Variants in RAF1 observed in about 807,000 individuals in gnomAD.
The protein encoded by RAF1 is Raf-1 proto-oncogene, serine/threonine kinase, also known as RAF proto-oncogene serine/threonine-protein kinase.
A neutral mutation model predicts 81.1 loss-of-function variants in RAF1; 27 were observed. The ratio of observed to expected loss-of-function variants is 0.33; its 90% CI spans 0.25 to 0.46. RAF1 has a LOEUF of 0.46. Ranked by LOEUF, RAF1 falls within the 20% of genes least tolerant of loss-of-function variation. The pLI is 1.00. For missense variants in RAF1, 598 were observed against 826.0 expected (o/e 0.72, Z 3.38); for synonymous variants, 298 against 294.0 (o/e 1.01, Z -0.14).
intron 8 of RAF1, 97 bp from the exon 8 acceptor site, chr3:12,600,512 A>G: frequency 1.5e-6 from 2 of 1,362,618 alleles, no homozygotes; most frequent in Non-Finnish European, 1.0e-6. Flanking sequence ...AACAAAATAG[A>G]TTATAAAAAC....
intron 14 of RAF1, among the ~76,000 whole-genome samples, chr3:12,586,632 C>T (rs1326952442): frequency 1.3e-5 from 2 of 152,162 alleles, no homozygotes; most frequent in Non-Finnish European, 2.9e-5. Flanking sequence ...TCTCACTGCT[C>T]AAGAGGCAAA....
chr3:12,662,843 A>C (rs1355612684), intron 1 of RAF1, among the ~76,000 whole-genome samples: 4 of 152,024 alleles, frequency 2.6e-5, no homozygotes, highest in Non-Finnish European at 5.9e-5. Flanking sequence ...TTCTTATCAC[A>C]CTGCATTGTT....
intron 8 of RAF1, chr3:12,603,341 A>G (rs2058922312): frequency 3.7e-6 from 2 of 546,090 alleles, no homozygotes; most frequent in Non-Finnish European, 6.5e-6. Flanking sequence ...GAAAGAAAGA[A>G]AAAGAAAACA....
intron 1 of RAF1, among the ~76,000 whole-genome samples, chr3:12,625,224 C>A (rs1334386334): frequency 6.6e-6 from 1 of 152,120 alleles, no homozygotes; most frequent in East Asian, 1.9e-4. Flanking sequence ...GCTGGGATCA[C>A]AGGCATGCGC....
At chr3:12,659,938 C>CA (rs1438169567) in intron 1 of RAF1, among the ~76,000 whole-genome samples, 1 of 152,102 alleles carries the variant, frequency 6.6e-6, no homozygotes, top group Non-Finnish European at 1.5e-5. Context: ...AGGTTACTAA[C>CA]AAAGATTTAC....
At chr3:12,584,765 A>G in intron 17 of RAF1, 82 bp downstream of exon 16, 1 of 1,613,520 alleles carries the variant, frequency 6.2e-7, no homozygotes, top group South Asian at 1.1e-5. Context: ...CTATAAAACA[A>G]AACAAAACAC....
intron 12 of RAF1, 22 bp downstream of exon 11, chr3:12,591,686 G>A (rs760854587): frequency 6.2e-7 from 1 of 1,604,924 alleles, no homozygotes; most frequent in Non-Finnish European, 8.5e-7. Flanking sequence ...CAGAGGGACT[G>A]GACCGCCAGC....
chr3:12,593,429 C>G (rs777864171), intron 11 of RAF1, among the ~76,000 whole-genome samples: 12 of 148,688 alleles, frequency 8.1e-5, no homozygotes, highest in Non-Finnish European at 1.8e-4. Flanking sequence ...ATGGTCCTCA[C>G]GATAGGCCCA....
intron 11 of RAF1, chr3:12,592,026 C>T: frequency 7.2e-6 from 4 of 558,690 alleles, no homozygotes; most frequent in Non-Finnish European, 1.3e-5. Context: ...AATCCTCCCA[C>T]CTTGGCCTCC....
intron 1 of RAF1, among the ~76,000 whole-genome samples, chr3:12,622,401 A>C (rs2059582368): frequency 6.6e-6 from 1 of 152,194 alleles, no homozygotes; most frequent in Admixed American, 6.5e-5. Flanking sequence ...ACTCCCTGAC[A>C]AGGCGTCTAA....
intron 2 of RAF1, among the ~76,000 whole-genome samples, chr3:12,617,564 TGA>T (rs1213865632): frequency 6.6e-6 from 1 of 152,158 alleles, no homozygotes; most frequent in Non-Finnish European, 1.5e-5. Flanking sequence ...GAAAACTTTT[TGA>T]GAGCTAAATT....
chr3:12,640,932 T>C (rs1409256039), intron 1 of RAF1, among the ~76,000 whole-genome samples: 1 of 152,126 alleles, frequency 6.6e-6, no homozygotes, highest in Non-Finnish European at 1.5e-5. Flanking sequence ...ATTGTGGTAC[T>C]ATTCACAATA....
chr3:12,658,927 G>A (rs2060785052), intron 1 of RAF1, among the ~76,000 whole-genome samples: 1 of 152,178 alleles, frequency 6.6e-6, no homozygotes, highest in Admixed American at 6.6e-5. Flanking sequence ...ATTTTCCTTA[G>A]TTAAGCTGAG....
rs1446579332 is a variant in RAF1, at chr3:12,584,492, C to T, written c.*22G>A. The T allele has an allele frequency of 6.2e-7, 1 of 1,614,172 alleles. No homozygotes were observed. Among genetic ancestry groups the T allele is most frequent in the South Asian group, 1.1e-5 (1 of 91,082 alleles). On this transcript the variant is annotated 3_prime_UTR_variant, in exon 18 of 18. Transcript: ENST00000442415. ...TGGCTTCTCCTCCTCCCCTGGCAGC[C>T]TGAAGACAGGTGCAAAGTCAACTAG...
At chr3:12,626,799 G>A (rs1283278702) in intron 1 of RAF1, among the ~76,000 whole-genome samples, 5 of 151,854 alleles carry the variant, frequency 3.3e-5, no homozygotes, top group Non-Finnish European at 7.4e-5. Context: ...TGAGGCAGGT[G>A]AATTACCTGA....
intron 3 of RAF1, among the ~76,000 whole-genome samples, chr3:12,611,086 G>A (rs1467340084): frequency 6.6e-6 from 1 of 152,098 alleles, no homozygotes; most frequent in Non-Finnish European, 1.5e-5. Context: ...CTTTCTGAGT[G>A]CCCAGTCTAT....
chr3:12,641,819 C>T (rs897430141), intron 1 of RAF1, among the ~76,000 whole-genome samples: 3 of 152,196 alleles, frequency 2.0e-5, no homozygotes, highest in African/African-American at 7.2e-5. Flanking sequence ...AGTGTAACTA[C>T]GTAATGCTAG....
rs2059115349 is a variant in RAF1 at position 12,608,702 on chromosome 3, ATACCCTTTAAAGTATGTATACTCCT to A, written c.581+39_581+63del. The A allele has an allele frequency of 6.5e-6, 10 of 1,548,530 alleles. No homozygotes were observed. In the African/African-American group the frequency reaches 6.8e-5, roughly 11 times the overall value. Reference sequence around the variant, plus strand: ...ACCTGTCAGTCAAAATCTACAACAAATACCCTTTAAAGTATGTATACTCCTCATCCCTATCTTCCTTGGATAAAAG... The same window carrying A: ...ACCTGTCAGTCAAAATCTACAACAAACATCCCTATCTTCCTTGGATAAAAG... On this transcript the variant is annotated intron_variant, in intron 5 of 17. Coordinates refer to ENST00000442415, the MANE Select transcript of RAF1 (RefSeq NM_001354689.3).
intron 11 of RAF1, 56 bp downstream of exon 10, chr3:12,599,634 GA>G (rs1559419265): frequency 2.1e-6 from 3 of 1,403,172 alleles, no homozygotes; most frequent in Non-Finnish European, 3.0e-6. Context: ...CCCCTGGGCT[GA>G]AACTTGACTT....
Sources: allele counts gnomAD v4.1 joint callset (sites outside exome capture counted in the v4.1 genomes callset), GRCh38; gene constraint gnomAD v4.1.1; transcripts MANE v1.5; gene names NCBI Gene and HGNC (gene_info 2026-07-23, HGNC 2026-07-21).